The following SPOCK1 variants were observed in gnomAD, a reference collection of about 807,000 sequenced individuals.
SPOCK1 encodes testican-1.
SPOCK1 carries 23 observed loss-of-function variants against 55.3 expected under a neutral mutation model. The ratio of observed to expected loss-of-function variants is 0.42; its 90% CI spans 0.30 to 0.59. The LOEUF (loss-of-function observed/expected upper bound fraction) is 0.59, where lower values mean the gene tolerates loss of function less well. Among genes scored for constraint, SPOCK1 ranks in the 20% least tolerant of loss-of-function variants. The pLI, the probability that SPOCK1 is intolerant of heterozygous loss-of-function variation, is 0.22. For synonymous variants in SPOCK1, 226 were observed against 221.0 expected, an observed-to-expected ratio of 1.02 and a Z score of -0.20; for missense variants, 499 against 552.5, an observed-to-expected ratio of 0.90 and a Z score of 0.97.
intron 2 of SPOCK1, among the ~76,000 whole-genome samples, chr5:137,349,075 T>A (rs1381911743): frequency 6.6e-6 from 1 of 152,124 alleles, no homozygotes; most frequent in Non-Finnish European, 1.5e-5. Flanking sequence ...CTCTCCCAAC[T>A]CAAGATCGAT....
chr5:137,123,165 T>TG (rs2127039238), intron 4 of SPOCK1, among the ~76,000 whole-genome samples: 1 of 152,332 alleles, frequency 6.6e-6, no homozygotes, highest in Admixed American at 6.5e-5. Context: ...ACTTATCCCC[T>TG]GCTCAAGAAG....
At chr5:137,473,544 C>T (rs554108734) in intron 2 of SPOCK1, among the ~76,000 whole-genome samples, 76 of 152,210 alleles carry the variant, frequency 5.0e-4, no homozygotes, top group Admixed American at 1.1e-3. Flanking sequence ...CTATTCCTCT[C>T]TATATAGTTT....
intron 6 of SPOCK1, among the ~76,000 whole-genome samples, chr5:137,002,996 G>C (rs999520444): frequency 6.6e-6 from 1 of 152,180 alleles, no homozygotes; most frequent in African/African-American, 2.4e-5. Flanking sequence ...GGAGGACTTA[G>C]AGACATTCTA....
At chr5:136,994,602 C>T (rs576310216) in intron 6 of SPOCK1, among the ~76,000 whole-genome samples, 45 of 151,742 alleles carry the variant, frequency 3.0e-4, no homozygotes, top group African/African-American at 1.1e-3. Context: ...GGGCTAGCAT[C>T]ACAGCATTCA....
At chr5:137,349,587 G>A (rs1359689054) in intron 2 of SPOCK1, among the ~76,000 whole-genome samples, 2 of 152,232 alleles carry the variant, frequency 1.3e-5, no homozygotes, top group African/African-American at 4.8e-5. Flanking sequence ...TTGAAAGCTA[G>A]AAGCCCAAGA....
At chr5:137,274,140 T>C (rs1430026337) in intron 2 of SPOCK1, among the ~76,000 whole-genome samples, 1 of 152,196 alleles carries the variant, frequency 6.6e-6, no homozygotes, top group Non-Finnish European at 1.5e-5. Context: ...TCTGGGGATA[T>C]GAATGGGCAT....
chr5:137,113,223 A>T lies in SPOCK1; in HGVS notation c.348-662T>A, dbSNP rs555995455. Among the ~76,000 whole-genome samples, 11 of 152,268 alleles carry T rather than the reference A, an allele frequency of 7.2e-5. 1 individual carries two copies. The South Asian group carries it at 1.2e-3, about 17-fold the overall frequency. On this transcript the variant is annotated intron_variant, in intron 4 of 10. Coordinates refer to ENST00000394945, the MANE Select transcript of SPOCK1 (RefSeq NM_004598.4). ...CCCCATTCTAACCTTTGTCATAATG[A>T]TAAATGTCGCTATTAGGATGACTTA...
intron 2 of SPOCK1, among the ~76,000 whole-genome samples, chr5:137,381,226 C>A (rs879335845): frequency 4.6e-5 from 7 of 152,206 alleles, no homozygotes; most frequent in Admixed American, 3.3e-4. Context: ...GGGCCTTGGG[C>A]AGCTCTGCAG....
chr5:137,260,139 A>C (rs1399251174), intron 3 of SPOCK1, among the ~76,000 whole-genome samples: 1 of 152,222 alleles, frequency 6.6e-6, no homozygotes, highest in Non-Finnish European at 1.5e-5. Flanking sequence ...CAGAAAGGAC[A>C]TGTGATTTGC....
At chr5:137,496,052 G>A (rs1444939699) in intron 2 of SPOCK1, among the ~76,000 whole-genome samples, 1 of 152,146 alleles carries the variant, frequency 6.6e-6, no homozygotes, top group East Asian at 1.9e-4. Context: ...AAAAAAAATA[G>A]TGTATTGGGA....
intron 2 of SPOCK1, among the ~76,000 whole-genome samples, chr5:137,350,795 T>TTG (rs111548796): frequency 0.023 from 3,364 of 148,442 alleles, 54 homozygotes; most frequent in Admixed American, 0.042. Context: ...TCATATAGGG[T>TTG]TGTGTGTGTG....
At chr5:137,052,957 T>TGG (rs111761576) in intron 6 of SPOCK1, among the ~76,000 whole-genome samples, 3,719 of 152,142 alleles carry the variant, frequency 0.024, 106 homozygotes, top group East Asian at 0.13. Flanking sequence ...TCCAGTTAGG[T>TGG]GGTTTCTTCT....
At chr5:137,306,159 T>C (rs895941575) in intron 2 of SPOCK1, among the ~76,000 whole-genome samples, 16 of 152,224 alleles carry the variant, frequency 1.1e-4, no homozygotes, top group Admixed American at 7.2e-4. Flanking sequence ...GAACACGTCA[T>C]ACAGTGCACA....
At chr5:137,264,112 G>C (rs1197591585) in intron 3 of SPOCK1, among the ~76,000 whole-genome samples, 1 of 152,104 alleles carries the variant, frequency 6.6e-6, no homozygotes, top group African/African-American at 2.4e-5. Flanking sequence ...AAGCTGGAGA[G>C]CTGAATTGAT....
At chr5:136,999,966 T>G (rs1751117927) in intron 6 of SPOCK1, among the ~76,000 whole-genome samples, 1 of 152,144 alleles carries the variant, frequency 6.6e-6, no homozygotes, top group African/African-American at 2.4e-5. Context: ...AAAATAACCC[T>G]ACCCTACTCC....
rs185588268 is a variant in SPOCK1, at chr5:137,203,242, C to T, written c.233-62548G>A. Among the ~76,000 whole-genome samples the T allele has an allele frequency of 1.5e-3, 224 of 151,764 alleles. 1 individual carries two copies. The highest frequency in any genetic ancestry group is 1.0e-3 in the South Asian group (5 of 4,774). On this transcript the variant is annotated intron_variant, in intron 3 of 10. Transcript: ENST00000394945. ...ATTTCAAATACTTTTCTGTGCTTGG[C>T]CATTGGCAGTCAACAGATGATCTAG...
At chr5:137,498,596 G>A (rs1754360001) in intron 1 of SPOCK1, 38 bp from the exon 2 acceptor site, 2 of 1,283,266 alleles carry the variant, frequency 1.6e-6, no homozygotes, top group African/African-American at 1.6e-5. Flanking sequence ...AGCGAAGAGG[G>A]CGGGCGGCCG....
rs992439730 is a variant in SPOCK1 at position 137,129,420 on chromosome 5, C to T, written c.347+11160G>A. On this transcript the variant is annotated intron_variant, in intron 4 of 10. Transcript: ENST00000394945. Reference sequence around the variant, plus strand: ...ATTATAGTAGAAAAAGAGTTTAATGCGGAGCTAGCCAAGTGGTCAGACAGG... The same window carrying T: ...ATTATAGTAGAAAAAGAGTTTAATGTGGAGCTAGCCAAGTGGTCAGACAGG... 5.3e-5 allele frequency among the ~76,000 whole-genome samples: 8 copies of T among 152,146 alleles called. No homozygotes were observed. In the East Asian group the frequency reaches 1.5e-3, roughly 29 times the overall value.
Position 137,404,471 on chromosome 5 carries a change from G to A in SPOCK1, c.186+93902C>T, listed in dbSNP as rs371491986. ...GTCGCCCAGGCTGGAGTGCAATGGC[G>A]CGATCTTGGCTCACTGCAAACTCTG... On this transcript the variant is annotated intron_variant, in intron 2 of 10. Coordinates refer to ENST00000394945, the MANE Select transcript of SPOCK1 (RefSeq NM_004598.4). Among the ~76,000 whole-genome samples, 81 of 148,148 alleles carry A rather than the reference G, an allele frequency of 5.5e-4. 1 individual carries two copies. The highest frequency in any genetic ancestry group is 7.4e-5 in the Non-Finnish European group (5 of 67,606).
Sources: allele counts gnomAD v4.1 joint callset (sites outside exome capture counted in the v4.1 genomes callset), GRCh38; gene constraint gnomAD v4.1.1; transcripts MANE v1.5; gene names NCBI Gene and HGNC (gene_info 2026-07-23, HGNC 2026-07-21).